Variants in AOAH observed in about 807,000 individuals in gnomAD.
AOAH encodes the protein acyloxyacyl hydrolase.
AOAH carries 64 observed loss-of-function variants against 92.2 expected under a neutral mutation model. That is an observed-to-expected ratio of 0.69 (90% confidence interval 0.57 to 0.86). The LOEUF (loss-of-function observed/expected upper bound fraction) is 0.86, where lower values mean the gene tolerates loss of function less well. Among genes scored for constraint, AOAH ranks in the 40% least tolerant of loss-of-function variants. The pLI, the probability that AOAH is intolerant of heterozygous loss-of-function variation, is 0.00. For missense variants in AOAH, 656 were observed against 694.6 expected (o/e 0.94, Z 0.62); for synonymous variants, 263 against 254.5 (o/e 1.03, Z -0.32).
chr7:36,598,776 CA>C (rs1790329802), intron 11 of AOAH, among the ~76,000 whole-genome samples: 1 of 152,062 alleles, frequency 6.6e-6, no homozygotes, highest in Non-Finnish European at 1.5e-5. Context: ...TAGACCCTAG[CA>C]AAAAGAGAAT....
At chr7:36,629,142 C>T (rs1055944515) in intron 6 of AOAH, among the ~76,000 whole-genome samples, 1 of 152,184 alleles carries the variant, frequency 6.6e-6, no homozygotes, top group Non-Finnish European at 1.5e-5. Context: ...TGTATACGTG[C>T]TTTTTAAGTT....
chr7:36,690,460 T>A (rs1797326825), intron 1 of AOAH, among the ~76,000 whole-genome samples: 1 of 152,220 alleles, frequency 6.6e-6, no homozygotes, highest in Non-Finnish European at 1.5e-5. Flanking sequence ...TGCAGTGAGA[T>A]GTGTTCTGAA....
chr7:36,677,198 T>C (rs1327127308), intron 2 of AOAH, among the ~76,000 whole-genome samples: 1 of 152,122 alleles, frequency 6.6e-6, no homozygotes, highest in African/African-American at 2.4e-5. Context: ...AAATGACCTA[T>C]CACAGTGCTA....
rs759348768 is a variant in AOAH, at chr7:36,623,258, A to G, written c.522-8T>C. On this transcript the variant is annotated splice_region_variant and splice_polypyrimidine_tract_variant and intron_variant, in intron 6 of 20. Coordinates refer to ENST00000617537, the MANE Select transcript of AOAH (RefSeq NM_001637.4). ...ACAGACTGTTCCATAGCTCTAGGAA[A>G]AAGAAAACAAAACAATCGGTGAGCT... 2 of 1,612,838 alleles carry G rather than the reference A, an allele frequency of 1.2e-6. No homozygotes were observed. Among genetic ancestry groups the G allele is most frequent in the East Asian group, 2.2e-5 (1 of 44,870 alleles).
At chr7:36,699,030 C>T (rs1231610932) in intron 1 of AOAH, among the ~76,000 whole-genome samples, 4 of 144,836 alleles carry the variant, frequency 2.8e-5, no homozygotes, top group Non-Finnish European at 6.1e-5. Context: ...TTTTTTTATC[C>T]CACATGTATG....
At chr7:36,713,232 G>A (rs1256959735) in intron 1 of AOAH, among the ~76,000 whole-genome samples, 1 of 152,098 alleles carries the variant, frequency 6.6e-6, no homozygotes. Context: ...AGACAAAGAA[G>A]GCCATTACTT....
At chr7:36,646,753 G>T (rs1173240272) in intron 4 of AOAH, among the ~76,000 whole-genome samples, 1 of 152,152 alleles carries the variant, frequency 6.6e-6, no homozygotes, top group Non-Finnish European at 1.5e-5. Context: ...ATGGCCTCAT[G>T]GCTCTGAACA....
intron 1 of AOAH, among the ~76,000 whole-genome samples, chr7:36,709,883 C>A (rs1007146966): frequency 2.0e-5 from 3 of 152,092 alleles, no homozygotes; most frequent in Non-Finnish European, 4.4e-5. Context: ...CAAAAACCCC[C>A]AAAGCCCAAA....
At chr7:36,696,934 G>GT (rs1390988282) in intron 1 of AOAH, among the ~76,000 whole-genome samples, 4 of 151,720 alleles carry the variant, frequency 2.6e-5, no homozygotes, top group Non-Finnish European at 4.4e-5. Context: ...AGTTCTAGTA[G>GT]TTTTTTTTGT....
chr7:36,524,412 C>G (rs1784276823), intron 19 of AOAH, among the ~76,000 whole-genome samples: 1 of 151,300 alleles, frequency 6.6e-6, no homozygotes, highest in Non-Finnish European at 1.5e-5. Flanking sequence ...TTTGGGAGGC[C>G]TAGGAGGGTT....
At chr7:36,549,550 G>T in intron 13 of AOAH, 75 bp from the exon 14 acceptor site, 3 of 1,012,912 alleles carry the variant, frequency 3.0e-6, no homozygotes, top group South Asian at 2.7e-5. Flanking sequence ...GAGTCTGATT[G>T]ACTGAACTCA....
At chr7:36,574,214 A>T (rs1788332770) in intron 13 of AOAH, among the ~76,000 whole-genome samples, 1 of 152,228 alleles carries the variant, frequency 6.6e-6, no homozygotes, top group African/African-American at 2.4e-5. Context: ...TATACATTTT[A>T]TGCATTTCTA....
intron 20 of AOAH, 85 bp from the exon 21 acceptor site, chr7:36,513,465 G>A (rs118070659): frequency 1.3e-5 from 18 of 1,410,314 alleles, no homozygotes; most frequent in South Asian, 1.2e-4. Flanking sequence ...CTTTCTGCCA[G>A]AGACAGCCTC....
At chr7:36,584,067 T>C (rs1789130211) in intron 12 of AOAH, among the ~76,000 whole-genome samples, 1 of 152,252 alleles carries the variant, frequency 6.6e-6, no homozygotes, top group Admixed American at 6.5e-5. Context: ...AGTTCTGTGG[T>C]CAAATAAGTT....
chr7:36,694,234 C>T (rs535739855), intron 1 of AOAH, among the ~76,000 whole-genome samples: 221 of 152,274 alleles, frequency 1.5e-3, no homozygotes, highest in African/African-American at 5.1e-3. Flanking sequence ...TGGTGGCTCA[C>T]GACTGTAATC....
At chr7:36,608,500 A>G (rs776637759) in intron 11 of AOAH, among the ~76,000 whole-genome samples, 2 of 152,250 alleles carry the variant, frequency 1.3e-5, no homozygotes, top group African/African-American at 2.4e-5. Flanking sequence ...ATAGAAATAA[A>G]TAGTCCAATT....
chr7:36,716,394 C>A (rs1258337171), intron 1 of AOAH, among the ~76,000 whole-genome samples: 1 of 150,004 alleles, frequency 6.7e-6, no homozygotes, highest in Admixed American at 6.6e-5. Context: ...ACTAGTTTAA[C>A]CATTGTGGAA....
intron 3 of AOAH, among the ~76,000 whole-genome samples, chr7:36,671,200 G>C (rs1404485989): frequency 1.3e-5 from 2 of 151,922 alleles, no homozygotes; most frequent in Non-Finnish European, 2.9e-5. Context: ...TCTAGTCATG[G>C]CTCATCTGTA....
chr7:36,709,193 G>A (rs1452034614), intron 1 of AOAH, among the ~76,000 whole-genome samples: 1 of 152,132 alleles, frequency 6.6e-6, no homozygotes. Flanking sequence ...CAAAGCTGTA[G>A]GTTCTGCTTG....
Sources: gnomAD v4.1 joint callset for allele counts (sites outside exome capture counted in the v4.1 genomes callset) on GRCh38, gnomAD v4.1.1 for gene constraint, MANE v1.5 for transcripts, NCBI Gene and HGNC (gene_info 2026-07-23, HGNC 2026-07-21) for gene names.